Variants in ULK2 observed in about 807,000 individuals in gnomAD.
ULK2 encodes serine/threonine-protein kinase ULK2.
In ULK2, 76 loss-of-function variants were observed where a neutral mutation model predicts 127.5. That is an observed-to-expected ratio of 0.60 (90% CI 0.50 to 0.72). ULK2 has a LOEUF of 0.72. Among genes scored for constraint, ULK2 ranks in the 30% least tolerant of loss-of-function variants. The pLI, the probability that ULK2 is intolerant of heterozygous loss-of-function variation, is 0.00. For missense variants in ULK2, 1,144 were observed against 1,295.9 expected, an observed-to-expected ratio of 0.88 and a Z score of 1.80; for synonymous variants, 452 against 461.9, an observed-to-expected ratio of 0.98 and a Z score of 0.28.
At position 19,822,407 on chromosome 17, in the gene ULK2, G is replaced by A. The variant is rs113542881; in HGVS notation, c.924+2687C>T. On this transcript the variant is annotated intron_variant, in intron 12 of 26. Transcript: ENST00000395544. ...GATAGAGTCTCGCTCTGTTACCTAC[G>A]CTGGAGTGCAGTGGCATGATCTTGG... Among the ~76,000 whole-genome samples the A allele has an allele frequency of 5.0e-3, 750 of 150,398 alleles. 4 individuals carry two copies. The highest frequency in any genetic ancestry group is 0.017 in the African/African-American group (711 of 40,806).
intron 26 of ULK2, 27 bp downstream of exon 26, chr17:19,777,554 A>T (rs1366048804): frequency 1.3e-6 from 2 of 1,581,326 alleles, no homozygotes; most frequent in Non-Finnish European, 1.7e-6. Context: ...GAAGTAAAAA[A>T]ATACACTACT....
At chr17:19,779,722 T>C (rs2086880424) in intron 25 of ULK2, among the ~76,000 whole-genome samples, 1 of 152,162 alleles carries the variant, frequency 6.6e-6, no homozygotes. Flanking sequence ...ACTTTGTGTC[T>C]ATCCTACAAT....
At chr17:19,792,096 T>G (rs2087168470) in intron 20 of ULK2, among the ~76,000 whole-genome samples, 1 of 152,038 alleles carries the variant, frequency 6.6e-6, no homozygotes, top group African/African-American at 2.4e-5. Context: ...GAGGGAAATT[T>G]ATAGCTAAAA....
Position 19,777,792 on chromosome 17 carries a change from T to C in ULK2, c.2917-76A>G. 9 of 1,506,120 alleles carry C rather than the reference T, an allele frequency of 6.0e-6. No individual in the cohort carries two copies. In the South Asian group the frequency reaches 1.0e-4, roughly 17 times the overall value. The allele number at this position is 1,506,120 out of a possible 1,614,324, so 93.3% of individuals were successfully genotyped here. A position where few individuals can be genotyped will look rare whatever the true frequency, so the allele number is the denominator to read the frequency against. On this transcript the variant is annotated intron_variant, in intron 25 of 26. Coordinates refer to ENST00000395544, the MANE Select transcript of ULK2 (RefSeq NM_014683.4). ...CAAATCCATTTGGGCAATGAAGCTT[T>C]AAATGGAATCCACCTAAAATTAACA... is the stretch of plus-strand genomic sequence containing the variant.
chr17:19,807,916 C>A (rs1199884726), intron 14 of ULK2, among the ~76,000 whole-genome samples: 1 of 152,042 alleles, frequency 6.6e-6, no homozygotes, highest in African/African-American at 2.4e-5. Context: ...ACCAGCCTGA[C>A]CAACATGGCG....
At chr17:19,840,266 C>T (rs986142440) in intron 9 of ULK2, 1 of 522,248 alleles carries the variant, frequency 1.9e-6, no homozygotes. Flanking sequence ...AATGAGAGTA[C>T]CTGCTTCAGT....
At chr17:19,839,747 CAAATT>C (rs1166452234) in intron 9 of ULK2, among the ~76,000 whole-genome samples, 1 of 151,206 alleles carries the variant, frequency 6.6e-6, no homozygotes, top group Non-Finnish European at 1.5e-5. Flanking sequence ...GAGAATAATG[CAAATT>C]AAATTAATAG....
intron 10 of ULK2, among the ~76,000 whole-genome samples, chr17:19,828,968 T>C (rs2041362152): frequency 6.6e-6 from 1 of 152,102 alleles, no homozygotes; most frequent in African/African-American, 2.4e-5. Context: ...TGGTCCCAGC[T>C]GAAGTGAGAG....
chr17:19,820,122 C>T (rs1174275980), intron 12 of ULK2, among the ~76,000 whole-genome samples: 2 of 150,142 alleles, frequency 1.3e-5, no homozygotes, highest in African/African-American at 4.9e-5. Flanking sequence ...GATCTCGGCT[C>T]ACTGCAACCT....
At chr17:19,851,326 C>CA (rs554643908) in intron 3 of ULK2, among the ~76,000 whole-genome samples, 3,646 of 41,014 alleles carry the variant, frequency 0.089, 237 homozygotes, top group Middle Eastern at 0.11. Flanking sequence ...GACTTCCCCT[C>CA]AAAAAAAAAA....
At chr17:19,816,577 A>C (rs2040994232) in intron 13 of ULK2, 172 bp downstream of exon 13, 2 of 536,292 alleles carry the variant, frequency 3.7e-6, no homozygotes. Flanking sequence ...ATAGAAGATG[A>C]TTGAGCAAAT....
chr17:19,849,541 A>T (rs890623576), intron 4 of ULK2, 136 bp from the exon 5 acceptor site: 62 of 994,656 alleles, frequency 6.2e-5, no homozygotes, highest in Non-Finnish European at 8.3e-5. Context: ...TAGATTCAAA[A>T]TTTTTTAAAT....
At chr17:19,801,702 T>C (rs2087402489) in intron 16 of ULK2, 75 bp downstream of exon 16, 1 of 1,594,128 alleles carries the variant, frequency 6.3e-7, no homozygotes, top group Non-Finnish European at 8.5e-7. Flanking sequence ...CCGAAGTTCC[T>C]AAAGAAAATG....
chr17:19,782,919 TAAAC>T (rs4005459), intron 22 of ULK2, among the ~76,000 whole-genome samples: 22 of 149,196 alleles, frequency 1.5e-4, no homozygotes, highest in African/African-American at 3.0e-4. Flanking sequence ...CTGTCTCAAA[TAAAC>T]AAACAAACAA....
Position 19,816,824 on chromosome 17 carries a change from T to C in ULK2, c.1021A>G (p.Thr341Ala). The C allele has an allele frequency of 6.2e-7, 1 of 1,612,136 alleles. No individual in the cohort carries two copies. The highest frequency in any genetic ancestry group is 1.7e-5 in the Admixed American group (1 of 59,492). The change falls in exon 13 of 27, where the codon ACT (threonine) becomes GCT (alanine). Residue 341 changes from threonine to alanine, a missense_variant. Thr to Ala is a moderately conservative substitution (Grantham distance 58). Coordinates refer to ENST00000395544, the MANE Select transcript of ULK2 (RefSeq NM_014683.4). Reference protein sequence around the residue: ...YLQVSKDSASTSSKNSSCDTD... With the variant: ...YLQVSKDSASASSKNSSCDTD... ...TCACAAGAAGAGTTCTTGCTACTAGTACTGGCAGAATCTTTGGAAACTTGT... is the reference window on the plus strand; with the variant it reads ...TCACAAGAAGAGTTCTTGCTACTAGCACTGGCAGAATCTTTGGAAACTTGT...
chr17:19,784,036 CT>C, intron 21 of ULK2, 131 bp from the exon 22 acceptor site: 1 of 631,392 alleles, frequency 1.6e-6, no homozygotes, highest in Non-Finnish European at 2.3e-6. Flanking sequence ...CACTGACCCC[CT>C]ATGTACTATT....
chr17:19,822,368 AT>A (rs531920568), intron 12 of ULK2, among the ~76,000 whole-genome samples: 85 of 146,566 alleles, frequency 5.8e-4, no homozygotes, highest in African/African-American at 8.2e-4. Flanking sequence ...TTTTTATTTT[AT>A]TTTTTTTTTT....
At chr17:19,783,542 A>AT (rs923324750) in intron 22 of ULK2, among the ~76,000 whole-genome samples, 155 bp downstream of exon 22, 2 of 152,214 alleles carry the variant, frequency 1.3e-5, no homozygotes, top group African/African-American at 4.8e-5. Flanking sequence ...GTCAATGTTA[A>AT]TTTAAAAAGA....
intron 14 of ULK2, among the ~76,000 whole-genome samples, chr17:19,809,725 T>G (rs189208083): frequency 0.28 from 30,699 of 108,282 alleles, 4,291 homozygotes; most frequent in South Asian, 0.44. Flanking sequence ...AGGACGAGAC[T>G]CCGTCTCAAA....
Sources: gnomAD v4.1 joint callset for allele counts (sites outside exome capture counted in the v4.1 genomes callset) on GRCh38, gnomAD v4.1.1 for gene constraint, MANE v1.5 for transcripts, NCBI Gene and HGNC (gene_info 2026-07-23, HGNC 2026-07-21) for gene names.